Variants in CNN3 observed in about 807,000 individuals in gnomAD.
The protein encoded by CNN3 is calponin 3, also known as calponin-3.
A neutral mutation model predicts 39.0 loss-of-function variants in CNN3; 11 were observed. The observed-to-expected ratio is 0.28, with a 90% confidence interval of 0.18 to 0.47. The LOEUF is 0.47. Ranked by LOEUF, CNN3 falls within the 20% of genes least tolerant of loss-of-function variation. CNN3 has a pLI of 0.99. For synonymous variants in CNN3, 101 were observed against 138.3 expected, an observed-to-expected ratio of 0.73 and a Z score of 1.89; for missense variants, 266 against 403.4, an observed-to-expected ratio of 0.66 and a Z score of 2.92.
chr1:94,926,970 G>C lies in CNN3; in HGVS notation c.-76C>G. On this transcript the variant is annotated 5_prime_UTR_variant, in exon 1 of 7. Transcript: ENST00000370206. This position sits in a 1 kb window ranked among gnomAD's most constrained non-coding sequence, Gnocchi z 4.2. ...ACTTCGCTTCCCCGCTCCTGGCCCC[G>C]AGGAGTGGCCGCCGCGGGGGATGCT... 2 of 1,493,548 alleles carry C rather than the reference G, an allele frequency of 1.3e-6. No homozygotes were observed. The highest frequency in any genetic ancestry group is 1.8e-4 in the Middle Eastern group (1 of 5,666). The allele number at this position is 1,493,548 out of a possible 1,614,324, so 92.5% of individuals were successfully genotyped here. A position where few individuals can be genotyped will look rare whatever the true frequency, so the allele number is the denominator to read the frequency against.
chr1:94,910,460 T>C (rs967350662), intron 1 of CNN3, among the ~76,000 whole-genome samples: 1 of 138,612 alleles, frequency 7.2e-6, no homozygotes, highest in Non-Finnish European at 1.6e-5. Context: ...CCAAATAGAT[T>C]TCCATCTCAA....
rs1397825285 is a variant in CNN3 at position 94,920,802 on chromosome 1, TA to T, written c.57+6035del. On this transcript the variant is annotated intron_variant, in intron 1 of 6. Coordinates refer to ENST00000370206, the MANE Select transcript of CNN3 (RefSeq NM_001839.5). ...GGGTTCACATGGCCATAGGTTTTTGTAAAACTTAAAAGATATTTATATATTT... is the reference window on the plus strand; with the variant it reads ...GGGTTCACATGGCCATAGGTTTTTGTAAACTTAAAAGATATTTATATATTT... Among the ~76,000 whole-genome samples the T allele has an allele frequency of 1.1e-4, 16 of 152,298 alleles. No homozygotes were observed. The East Asian group carries it at 3.1e-3, about 29-fold the overall frequency.
intron 1 of CNN3, among the ~76,000 whole-genome samples, chr1:94,925,296 A>G (rs1671547981): frequency 6.6e-6 from 1 of 152,182 alleles, no homozygotes; most frequent in Non-Finnish European, 1.5e-5. Flanking sequence ...CACATCCAAC[A>G]TTTTGGACAT....
At chr1:94,902,898 A>G (rs1670904486) in intron 3 of CNN3, among the ~76,000 whole-genome samples, 1 of 152,188 alleles carries the variant, frequency 6.6e-6, no homozygotes, top group Non-Finnish European at 1.5e-5. Flanking sequence ...CTTCTAAGCT[A>G]AACGTAATAA....
intron 1 of CNN3, chr1:94,925,578 G>A (rs1459992187): frequency 2.0e-6 from 2 of 979,144 alleles, no homozygotes; most frequent in South Asian, 9.4e-5. Flanking sequence ...GACTAACAGC[G>A]GGAGACAAGA....
rs1415772661 is a variant in CNN3 at position 94,926,682 on chromosome 1, C to A, written c.57+156G>T. Among the ~76,000 whole-genome samples the A allele has an allele frequency of 6.6e-6, 1 of 152,170 alleles. No individual in the cohort carries two copies. The highest frequency in any genetic ancestry group is 1.5e-5 in the Non-Finnish European group (1 of 68,020). ...CGGCCCCGCAAGCCCGGGGACTGGA[C>A]GCGACCGGGACAGGCAGAGACGCTC... On this transcript the variant is annotated intron_variant, in intron 1 of 6. Transcript: ENST00000370206. This position sits in a 1 kb window ranked among gnomAD's most constrained non-coding sequence, Gnocchi z 4.2.
At chr1:94,901,920 T>G (rs1670878506) in intron 4 of CNN3, 135 bp from the exon 5 acceptor site, 1 of 707,448 alleles carries the variant, frequency 1.4e-6, no homozygotes, top group Admixed American at 2.7e-5. Context: ...AATAATATAC[T>G]GCATCATTTG....
chr1:94,926,735 A>T lies in CNN3; in HGVS notation c.57+103T>A, dbSNP rs1279430216. 1.5e-6 allele frequency: 2 copies of T among 1,323,626 alleles called. No homozygotes were observed. Among genetic ancestry groups the T allele is most frequent in the African/African-American group, 3.0e-5 (2 of 67,126 alleles). 82.0% of individuals were successfully genotyped at this position (1,323,626 alleles called of 1,614,324 possible). On this transcript the variant is annotated intron_variant, in intron 1 of 6. Transcript: ENST00000370206. The surrounding 1 kb of genome is among the most constrained non-coding windows in gnomAD (Gnocchi z 4.2). ...GCCGCCTCGACGGCCCCTCTCCAGGAAAACGGTGAGCCACAGCGCGAAGAG... is the reference window on the plus strand; with the variant it reads ...GCCGCCTCGACGGCCCCTCTCCAGGTAAACGGTGAGCCACAGCGCGAAGAG...
rs569149736 is a variant in CNN3 at position 94,903,052 on chromosome 1, A to G, written c.246+70T>C. Reference sequence around the variant, plus strand: ...AAAAAACACAAAACCAAAAAACCAAACCTGAAATCAAGTTTTCACTACATA... The same window carrying G: ...AAAAAACACAAAACCAAAAAACCAAGCCTGAAATCAAGTTTTCACTACATA... On this transcript the variant is annotated intron_variant, in intron 3 of 6. Transcript: ENST00000370206. 7.0e-5 allele frequency: 87 copies of G among 1,239,052 alleles called. No individual in the cohort carries two copies. In the African/African-American group the frequency reaches 1.1e-3, roughly 16 times the overall value. 76.8% of individuals were successfully genotyped at this position (1,239,052 alleles called of 1,614,324 possible).
rs749615050 is a variant in CNN3 at position 94,903,484 on chromosome 1, C to T, written c.98G>A (p.Arg33His). Reference sequence around the variant, plus strand: ...GCCTGTCACCTCTTCTATCCAATTGCGAAGATCTTCTTCTGCCTGATGATC... The same window carrying T: ...GCCTGTCACCTCTTCTATCCAATTGTGAAGATCTTCTTCTGCCTGATGATC... ...KYDHQAEEDL[R>H]NWIEEVTGMS... The change falls in exon 2 of 7, where the codon CGC becomes CAC. Residue 33 changes from arginine to histidine, a missense_variant. Arg to His is a conservative substitution (Grantham distance 29, BLOSUM62 0). Transcript: ENST00000370206. The T allele has an allele frequency of 2.1e-5, 34 of 1,613,782 alleles. No individual in the cohort carries two copies. Among genetic ancestry groups the T allele is most frequent in the Non-Finnish European group, 2.5e-5 (29 of 1,179,874 alleles).
intron 1 of CNN3, among the ~76,000 whole-genome samples, chr1:94,919,635 G>C (rs1437854743): frequency 6.6e-6 from 1 of 152,150 alleles, no homozygotes; most frequent in East Asian, 1.9e-4. Context: ...GTGGAGGCGG[G>C]AAGAAGCAAT....
At chr1:94,916,415 G>A (rs982118800) in intron 1 of CNN3, among the ~76,000 whole-genome samples, 1 of 152,032 alleles carries the variant, frequency 6.6e-6, no homozygotes, top group African/African-American at 2.4e-5. Flanking sequence ...GCAGGGAGTG[G>A]GGAACAGAGG....
At chr1:94,900,281 T>G (rs532394912) in intron 5 of CNN3, among the ~76,000 whole-genome samples, 27 of 152,188 alleles carry the variant, frequency 1.8e-4, no homozygotes, top group African/African-American at 5.8e-4. Flanking sequence ...AAAACACATA[T>G]AAGCAAAAAG....
intron 1 of CNN3, among the ~76,000 whole-genome samples, chr1:94,921,407 AAG>A (rs1557916598): frequency 6.6e-6 from 1 of 152,142 alleles, no homozygotes; most frequent in East Asian, 1.9e-4. Flanking sequence ...AAAAATAAAA[AAG>A]AGAGAGAAGA....
chr1:94,906,683 C>T (rs766244026), intron 1 of CNN3, among the ~76,000 whole-genome samples: 4 of 152,164 alleles, frequency 2.6e-5, no homozygotes, highest in Non-Finnish European at 5.9e-5. Context: ...TTCCTACTCT[C>T]AGCTATCTAC....
rs948192905 is a variant in CNN3, at chr1:94,926,313, G to T, written c.57+525C>A. The stretch of plus-strand genomic sequence containing the variant: ...CGGAGACTGTGATGGGTCCCGGACC[G>T]GCTTCCGTTCCTCGGGGCCCCTGGG... On this transcript the variant is annotated intron_variant, in intron 1 of 6. Coordinates refer to ENST00000370206, the MANE Select transcript of CNN3 (RefSeq NM_001839.5). This position sits in a 1 kb window ranked among gnomAD's most constrained non-coding sequence, Gnocchi z 4.2. 6.6e-6 allele frequency among the ~76,000 whole-genome samples: 1 copy of T among 152,136 alleles called. No individual in the cohort carries two copies. The highest frequency in any genetic ancestry group is 2.4e-5 in the African/African-American group (1 of 41,446).
chr1:94,904,748 C>T (rs985713482), intron 1 of CNN3, among the ~76,000 whole-genome samples: 3 of 138,282 alleles, frequency 2.2e-5, no homozygotes, highest in South Asian at 5.1e-4. Context: ...CCCTGTCTCC[C>T]GCCCCACTGC....
chr1:94,903,113 G>T lies in CNN3; in HGVS notation c.246+9C>A. Reference sequence around the variant, plus strand: ...AACTAGAACCAGAGGTGGTTGGTTTGGCTGTTACCTGAGGCCAGTTCAGTG... The same window carrying T: ...AACTAGAACCAGAGGTGGTTGGTTTTGCTGTTACCTGAGGCCAGTTCAGTG... On this transcript the variant is annotated intron_variant, in intron 3 of 6. Transcript: ENST00000370206. The T allele has an allele frequency of 6.4e-7, 1 of 1,568,694 alleles. No individual in the cohort carries two copies. Among genetic ancestry groups the T allele is most frequent in the Non-Finnish European group, 8.7e-7 (1 of 1,154,334 alleles).
chr1:94,908,119 G>C (rs1332160818), intron 1 of CNN3, among the ~76,000 whole-genome samples: 11 of 152,150 alleles, frequency 7.2e-5, no homozygotes. Flanking sequence ...CAGAGACCGA[G>C]GAGAATACTG....
Sources: gnomAD v4.1 joint callset for allele counts (sites outside exome capture counted in the v4.1 genomes callset) on GRCh38, gnomAD v4.1.1 for gene constraint, Gnocchi (gnomAD v3.1) non-coding constraint, MANE v1.5 for transcripts, NCBI Gene and HGNC (gene_info 2026-07-23, HGNC 2026-07-21) for gene names.